Variants in SMARCAL1 observed in about 807,000 individuals in gnomAD.
SMARCAL1 encodes SNF2 related chromatin remodeling annealing helicase 1, also known as ATP-driven annealing helicase.
A neutral mutation model predicts 94.5 loss-of-function variants in SMARCAL1; 58 were observed. The observed-to-expected ratio is 0.61, with a 90% CI of 0.50 to 0.76. The LOEUF (loss-of-function observed/expected upper bound fraction) is 0.76, where lower values mean the gene tolerates loss of function less well. Ranked by LOEUF, SMARCAL1 falls within the 30% of genes least tolerant of loss-of-function variation. The pLI is 0.00. For synonymous variants in SMARCAL1, 422 were observed against 455.1 expected (o/e 0.93, Z 0.93); for missense variants, 1,051 against 1,177.9 (o/e 0.89, Z 1.58).
At position 216,414,744 on chromosome 2, in the gene SMARCAL1, G is replaced by A. The variant is rs1025354304; in HGVS notation, c.40G>A (p.Glu14Lys). Residue 14 changes from glutamate to lysine, a missense_variant, in exon 3 of 18, where the codon GAA becomes AAA. This residue lies in a region of SMARCAL1 where 398 missense variants were observed against 395.2 expected (regional missense o/e 1.01). Coordinates refer to ENST00000357276, the MANE Select transcript of SMARCAL1 (RefSeq NM_014140.4). The stretch of plus-strand genomic sequence containing the variant: ...TACAGAGGAGCAGAGGAAAAAGATT[G>A]AAGAGAATCGACAAAAGGCTCTGGC... ...PLTEEQRKKIEENRQKALARR... is the reference protein window; with the variant it reads ...PLTEEQRKKIKENRQKALARR... 3.1e-6 allele frequency: 5 copies of A among 1,614,088 alleles called. No homozygotes were observed. The highest frequency in any genetic ancestry group is 4.2e-6 in the Non-Finnish European group (5 of 1,180,054).
intron 12 of SMARCAL1, among the ~76,000 whole-genome samples, chr2:216,461,027 AT>A (rs1034995813): frequency 6.6e-6 from 1 of 150,904 alleles, no homozygotes; most frequent in Admixed American, 6.6e-5. Flanking sequence ...GTACAATAAA[AT>A]TTTATATTGA....
At chr2:216,477,083 G>C in intron 15 of SMARCAL1, 26 bp from the exon 16 acceptor site, 11 of 1,547,872 alleles carry the variant, frequency 7.1e-6, no homozygotes, top group Non-Finnish European at 9.6e-6. Context: ...GCCTTTACCT[G>C]CCTGTCTCAA....
chr2:216,459,803 A>G (rs1297005726), intron 12 of SMARCAL1, among the ~76,000 whole-genome samples: 1 of 152,032 alleles, frequency 6.6e-6, no homozygotes, highest in Non-Finnish European at 1.5e-5. Flanking sequence ...AAACACCAAA[A>G]GCAATGGCAA....
At position 216,477,194 on chromosome 2, in the gene SMARCAL1, C is replaced by A; in HGVS notation, c.2513C>A (p.Ala838Asp). The stretch of plus-strand genomic sequence containing the variant: ...CACTACCTCGTGGCAAAGGGCACAG[C>A]TGATGACTACCTTTGGTATGGCTTG... ...GIHYLVAKGT[A>D]DDYLWPLIQE... is the part of the protein sequence containing the mutation. The change falls in exon 16 of 18, where the codon GCT becomes GAT. Residue 838 changes from alanine to aspartate, a missense_variant. By Grantham distance (126) the Ala-to-Asp change is moderately radical. Around this residue, in one of 3 missense-constraint regions of SMARCAL1, gnomAD observed 642 missense variants for 754.7 expected, o/e 0.85. Coordinates refer to ENST00000357276, the MANE Select transcript of SMARCAL1 (RefSeq NM_014140.4). The A allele has an allele frequency of 2.5e-6, 4 of 1,595,176 alleles. No homozygotes were observed. Among genetic ancestry groups the A allele is most frequent in the Non-Finnish European group, 3.4e-6 (4 of 1,170,482 alleles).
chr2:216,415,415 G>A lies in SMARCAL1; in HGVS notation c.711G>A (p.Gln237=). The A allele has an allele frequency of 6.2e-7, 1 of 1,614,258 alleles. No homozygotes were observed. Among genetic ancestry groups the A allele is most frequent in the Non-Finnish European group, 8.5e-7 (1 of 1,180,050 alleles). ...CAGTCCAAAAAGGAGTGAACTCTCA[G>A]AAGGGAAAGTGCGTAAGGAACGGCG... ...GSSVQKGVNS[Q]KGKCVRNGDR... is the part of the protein sequence containing the mutation. The change falls in exon 3 of 18, where the codon CAG becomes CAA. Residue 237 remains glutamine (Q), a synonymous_variant. Transcript: ENST00000357276.
At chr2:216,420,662 C>T (rs1164874473) in intron 5 of SMARCAL1, 130 bp downstream of exon 5, 3 of 753,430 alleles carry the variant, frequency 4.0e-6, no homozygotes, top group African/African-American at 1.7e-5. Context: ...TGCTCCTCTT[C>T]CTATAGAAAG....
At chr2:216,455,930 G>T (rs1198679318) in intron 12 of SMARCAL1, among the ~76,000 whole-genome samples, 2 of 152,164 alleles carry the variant, frequency 1.3e-5, no homozygotes, top group Admixed American at 6.5e-5. Flanking sequence ...TGAACCCATC[G>T]CAAAGAAGTT....
rs11555797 is a variant in SMARCAL1 at position 216,415,045 on chromosome 2, G to A, written c.341G>A (p.Arg114His). 5,756 of 1,614,198 alleles carry A rather than the reference G, an allele frequency of 3.6e-3. 233 individuals are homozygous for A. The Admixed American group carries it at 0.08, about 22-fold the overall frequency. ...ACAGCCTGCCCAGGCCACAGTCCAC[G>A]TAGTCAAATGGCTCTCACTGGAATC... ...MPTACPGHSP[R>H]SQMALTGISP... The change falls in exon 3 of 18, where the codon CGT becomes CAT. Residue 114 changes from arginine (R) to histidine (H), a missense_variant. Coordinates refer to ENST00000357276, the MANE Select transcript of SMARCAL1 (RefSeq NM_014140.4).
chr2:216,430,289 T>G (rs1453949644), intron 7 of SMARCAL1, among the ~76,000 whole-genome samples: 7 of 152,202 alleles, frequency 4.6e-5, no homozygotes, highest in East Asian at 1.9e-4. Flanking sequence ...ATTCTATGTT[T>G]TGTTTTGTTT....
chr2:216,421,961 C>T (rs1225432979), intron 5 of SMARCAL1, among the ~76,000 whole-genome samples: 5 of 152,118 alleles, frequency 3.3e-5, no homozygotes, highest in East Asian at 1.9e-4. Context: ...TGAGGGCAGA[C>T]GGGTGAGCAG....
intron 4 of SMARCAL1, among the ~76,000 whole-genome samples, chr2:216,416,888 G>A (rs1287804946): frequency 6.6e-6 from 1 of 152,220 alleles, no homozygotes; most frequent in African/African-American, 2.4e-5. Flanking sequence ...GCAGTGTCTG[G>A]TCATAGTCAG....
chr2:216,455,063 T>A (rs1694533867), intron 12 of SMARCAL1, among the ~76,000 whole-genome samples: 1 of 152,264 alleles, frequency 6.6e-6, no homozygotes, highest in Admixed American at 6.5e-5. Flanking sequence ...ATCCCGTGCC[T>A]GGCTCGCATG....
In SMARCAL1 at chr2:216,435,458, GA is replaced by G; in HGVS notation, c.1611del (p.Lys537AsnfsTer3). On this transcript the variant is annotated frameshift_variant, in exon 9 of 18. Transcript: ENST00000357276. LOFTEE classifies it high-confidence loss of function. ...CAGCTTTGACCTTCTTAGCAAGTTGGAAAAACAGCTAAAAACCCCTTTTAAA... is the reference window on the plus strand; with the variant it reads ...CAGCTTTGACCTTCTTAGCAAGTTGGAAAACAGCTAAAAACCCCTTTTAAA... ...IVSFDLLSKL[E>X]KQLKTPFKVV... 4 of 1,614,150 alleles carry G rather than the reference GA, an allele frequency of 2.5e-6. No individual in the cohort carries two copies. The highest frequency in any genetic ancestry group is 3.4e-6 in the Non-Finnish European group (4 of 1,180,008).
In SMARCAL1 at chr2:216,447,176, C is replaced by A; in HGVS notation, c.1851+18C>A. ...CCAAACGGGTATGTATTATCTCTTC[C>A]CTCCCAGCCCACCCATTTCTCACCC... is the stretch of plus-strand genomic sequence containing the variant. On this transcript the variant is annotated intron_variant, in intron 11 of 17. Transcript: ENST00000357276. The A allele has an allele frequency of 1.9e-6, 3 of 1,581,406 alleles. No homozygotes were observed. The highest frequency in any genetic ancestry group is 1.3e-5 in the African/African-American group (1 of 74,302).
At chr2:216,424,105 G>T (rs545347342) in intron 6 of SMARCAL1, among the ~76,000 whole-genome samples, 1 of 152,366 alleles carries the variant, frequency 6.6e-6, no homozygotes, top group East Asian at 1.9e-4. Context: ...AAAGATAGGA[G>T]AGTATCACTG....
At chr2:216,441,135 C>A (rs147670176) in intron 10 of SMARCAL1, among the ~76,000 whole-genome samples, 1 of 152,246 alleles carries the variant, frequency 6.6e-6, no homozygotes, top group African/African-American at 2.4e-5. Flanking sequence ...ATTAATATTA[C>A]AAGCATATTT....
rs1291696378 is a variant in SMARCAL1 at position 216,415,226 on chromosome 2, A to G, written c.522A>G (p.Gln174=). 2 of 1,614,124 alleles carry G rather than the reference A, an allele frequency of 1.2e-6. No individual in the cohort carries two copies. The highest frequency in any genetic ancestry group is 2.7e-5 in the African/African-American group (2 of 74,946). ...HKPLAKPKSS[Q]ETPAHSSGQP... is the part of the protein sequence containing the mutation. The stretch of plus-strand genomic sequence containing the variant: ...CTCTGGCCAAACCAAAGAGTTCCCA[A>G]GAGACACCAGCTCATTCCTCTGGAC... The change falls in exon 3 of 18, where the codon CAA becomes CAG. Residue 174 remains glutamine, a synonymous_variant. Transcript: ENST00000357276.
At chr2:216,449,363 A>G (rs1694393017) in intron 11 of SMARCAL1, among the ~76,000 whole-genome samples, 1 of 151,802 alleles carries the variant, frequency 6.6e-6, no homozygotes, top group Admixed American at 6.6e-5. Flanking sequence ...AATACAATCC[A>G]TAAGCCAGGG....
At chr2:216,421,518 G>T (rs946580485) in intron 5 of SMARCAL1, among the ~76,000 whole-genome samples, 2 of 151,976 alleles carry the variant, frequency 1.3e-5, no homozygotes, top group Non-Finnish European at 2.9e-5. Context: ...GGCTTGTCTC[G>T]AACTTCTTCG....
Sources: gnomAD v4.1 joint callset for allele counts (sites outside exome capture counted in the v4.1 genomes callset) on GRCh38, gnomAD v4.1.1 for gene constraint, gnomAD v4.1.1 regional missense constraint, MANE v1.5 for transcripts, NCBI Gene and HGNC (gene_info 2026-07-23, HGNC 2026-07-21) for gene names.